Variants in ARHGAP6 observed in about 807,000 individuals in gnomAD.
ARHGAP6 encodes the protein Rho GTPase activating protein 6, also known as rho GTPase-activating protein 6.
Under a neutral mutation model 55.7 loss-of-function variants are expected in ARHGAP6, and 16 were observed. The observed-to-expected ratio is 0.29, with a 90% CI of 0.19 to 0.44. The LOEUF (loss-of-function observed/expected upper bound fraction) is 0.44, where lower values mean the gene tolerates loss of function less well. ARHGAP6 is among the 20% of genes least tolerant of loss of function. The pLI, the probability that ARHGAP6 is intolerant of heterozygous loss-of-function variation, is 1.00. For missense variants in ARHGAP6, 698 were observed against 808.9 expected, an observed-to-expected ratio of 0.86 and a Z score of 1.66; for synonymous variants, 382 against 360.9, an observed-to-expected ratio of 1.06 and a Z score of -0.66.
chrX:11,569,164 C>T (rs1475278080), intron 1 of ARHGAP6, among the ~76,000 whole-genome samples: 1 of 111,166 alleles, frequency 9.0e-6, no homozygotes, highest in Non-Finnish European at 1.9e-5. Context: ...GGTCATGTGG[C>T]AGTGTCTGGA....
intron 1 of ARHGAP6, among the ~76,000 whole-genome samples, chrX:11,495,963 T>C (rs1196721897): frequency 8.9e-6 from 1 of 111,923 alleles, no homozygotes; most frequent in Non-Finnish European, 1.9e-5. Flanking sequence ...AATGAGAAGG[T>C]GAGGCCCTTA....
intron 1 of ARHGAP6, among the ~76,000 whole-genome samples, chrX:11,336,109 C>G (rs779392187): frequency 1.4e-3 from 158 of 112,175 alleles, no homozygotes; most frequent in African/African-American, 4.9e-3. Flanking sequence ...ATAGTTCAAC[C>G]TGGACTATTT....
At position 11,153,968 on chromosome X, in the gene ARHGAP6, C is replaced by G. The variant is rs976161510; in HGVS notation, c.1907+2561G>C. Among the ~76,000 whole-genome samples, 4 of 110,110 alleles carry G rather than the reference C, an allele frequency of 3.6e-5. No homozygotes were observed. In the Admixed American group the frequency reaches 3.9e-4, roughly 11 times the overall value. On this transcript the variant is annotated intron_variant, in intron 10 of 12. Coordinates refer to ENST00000337414, the MANE Select transcript of ARHGAP6 (RefSeq NM_013427.3). ...CCTAATGCTATTCCTCCCCCCTCCC[C>G]CCATCCCACAACAGACCCCGGAGTG... is the stretch of plus-strand genomic sequence containing the variant.
At chrX:11,150,548 C>T (rs1006686976) in intron 10 of ARHGAP6, among the ~76,000 whole-genome samples, 1 of 111,713 alleles carries the variant, frequency 9.0e-6, no homozygotes, top group African/African-American at 3.3e-5. Context: ...AACAGAATTT[C>T]CTTATTATTT....
chrX:11,403,773 G>A (rs764559578), intron 1 of ARHGAP6, among the ~76,000 whole-genome samples: 7 of 112,117 alleles, frequency 6.2e-5, no homozygotes, highest in African/African-American at 9.7e-5. Context: ...TTCATTCACT[G>A]CCTTCTTGGC....
chrX:11,595,818 A>G (rs770604360), intron 1 of ARHGAP6, among the ~76,000 whole-genome samples: 1 of 112,495 alleles, frequency 8.9e-6, no homozygotes. Flanking sequence ...GACATATGAA[A>G]AAATGCTCAT....
At chrX:11,425,843 C>T (rs1424189078) in intron 1 of ARHGAP6, among the ~76,000 whole-genome samples, 4 of 111,627 alleles carry the variant, frequency 3.6e-5, no homozygotes, top group African/African-American at 6.5e-5. Context: ...CTCCCCCACC[C>T]GCACTCTTGC....
At chrX:11,639,183 T>C (rs1339356436) in intron 1 of ARHGAP6, among the ~76,000 whole-genome samples, 1 of 111,556 alleles carries the variant, frequency 9.0e-6, no homozygotes, top group African/African-American at 3.3e-5. Context: ...GGGCAGATTA[T>C]GAAAAGAGTA....
At chrX:11,563,340 A>C in intron 1 of ARHGAP6, among the ~76,000 whole-genome samples, 1 of 84,175 alleles carries the variant, frequency 1.2e-5, no homozygotes, top group Middle Eastern at 6.6e-3. Flanking sequence ...AATCCAATTT[A>C]ATAATAATAA....
chrX:11,561,348 T>C (rs1416671258), intron 1 of ARHGAP6, among the ~76,000 whole-genome samples: 2 of 112,163 alleles, frequency 1.8e-5, no homozygotes, highest in Non-Finnish European at 3.8e-5. Context: ...ATGTTAAGTA[T>C]AAGAAATTGT....
At chrX:11,187,190 C>G (rs2046396858) in intron 4 of ARHGAP6, among the ~76,000 whole-genome samples, 1 of 111,370 alleles carries the variant, frequency 9.0e-6, no homozygotes, top group Non-Finnish European at 1.9e-5. Context: ...GTACTTACAG[C>G]CTGCCATTTG....
chrX:11,407,351 A>G (rs2049622950), intron 1 of ARHGAP6, among the ~76,000 whole-genome samples: 1 of 112,357 alleles, frequency 8.9e-6, no homozygotes, highest in African/African-American at 3.2e-5. Flanking sequence ...CCTATTGAAT[A>G]ATATTCTCTT....
rs1172191527 is a variant in ARHGAP6 at position 11,339,303 on chromosome X, T to C, written c.589-84596A>G. Among the ~76,000 whole-genome samples, 3 of 111,739 alleles carry C rather than the reference T, an allele frequency of 2.7e-5. No individual in the cohort carries two copies. In the East Asian group the frequency reaches 8.4e-4, roughly 31 times the overall value. ...CCACACCGACTTTTATCCATGTTCT[T>C]TCCTTAATCTGATATCCTCTCCCAC... On this transcript the variant is annotated intron_variant, in intron 1 of 12. Transcript: ENST00000337414.
At chrX:11,392,248 C>A (rs749527544) in intron 1 of ARHGAP6, among the ~76,000 whole-genome samples, 1 of 111,919 alleles carries the variant, frequency 8.9e-6, no homozygotes, top group African/African-American at 3.2e-5. Flanking sequence ...TTAGCTTTTG[C>A]GTTTCCTTTT....
intron 1 of ARHGAP6, among the ~76,000 whole-genome samples, chrX:11,480,658 A>G (rs2050446735): frequency 8.9e-6 from 1 of 112,694 alleles, no homozygotes; most frequent in African/African-American, 3.2e-5. Context: ...TTAAGTAATC[A>G]TTACAGTTTT....
At chrX:11,171,169 A>G (rs1256661997) in intron 8 of ARHGAP6, among the ~76,000 whole-genome samples, 1 of 111,383 alleles carries the variant, frequency 9.0e-6, no homozygotes, top group Non-Finnish European at 1.9e-5. Flanking sequence ...AGCATAAAAA[A>G]TTATTCACAT....
chrX:11,254,457 T>C, intron 2 of ARHGAP6, 91 bp downstream of exon 2: 1 of 1,049,368 alleles, frequency 9.5e-7, no homozygotes, highest in Non-Finnish European at 1.3e-6. Context: ...GTGTGAATAT[T>C]AGGTGTGAGA....
chrX:11,278,837 C>T (rs1427028326), intron 1 of ARHGAP6, among the ~76,000 whole-genome samples: 1 of 111,012 alleles, frequency 9.0e-6, no homozygotes, highest in Non-Finnish European at 1.9e-5. Context: ...ATCTCACCTC[C>T]TTCTATTTTT....
chrX:11,460,407 G>A (rs773373657), intron 1 of ARHGAP6, among the ~76,000 whole-genome samples: 2 of 111,627 alleles, frequency 1.8e-5, no homozygotes, highest in South Asian at 3.8e-4. Context: ...TGGCTGATAC[G>A]TTCACTTAGG....
Sources: allele counts gnomAD v4.1 joint callset (sites outside exome capture counted in the v4.1 genomes callset), GRCh38; gene constraint gnomAD v4.1.1; transcripts MANE v1.5; gene names NCBI Gene and HGNC (gene_info 2026-07-23, HGNC 2026-07-21).